SIK3: variants seen among roughly 807,000 people sequenced by gnomAD.
The protein encoded by SIK3 is SIK family kinase 3.
SIK3 carries 28 observed loss-of-function variants against 144.2 expected under a neutral mutation model. The observed-to-expected ratio is 0.19, with a 90% CI of 0.14 to 0.27. SIK3 has a LOEUF of 0.27. Ranked by LOEUF, SIK3 falls within the 10% of genes least tolerant of loss-of-function variation. The pLI, the probability that SIK3 is intolerant of heterozygous loss-of-function variation, is 1.00. For missense variants in SIK3, 1,319 were observed against 1,776.0 expected (o/e 0.74, Z 4.62); for synonymous variants, 686 against 676.3 (o/e 1.01, Z -0.22).
At chr11:116,893,064 G>A (rs1345332385) in intron 6 of SIK3, among the ~76,000 whole-genome samples, 1 of 152,172 alleles carries the variant, frequency 6.6e-6, no homozygotes, top group African/African-American at 2.4e-5. Flanking sequence ...GGGAGAAATG[G>A]ATAAACAGGC....
At position 116,873,628 on chromosome 11, in the gene SIK3, A is replaced by G. The variant is rs1288428725; in HGVS notation, c.1590T>C (p.Ser530=). 1.3e-6 allele frequency: 2 copies of G among 1,553,400 alleles called. No individual in the cohort carries two copies. Among genetic ancestry groups the G allele is most frequent in the Non-Finnish European group, 1.7e-6 (2 of 1,154,108 alleles). Reference sequence around the variant, plus strand: ...GCTGTAGCGTGGGCGGCTGTAGGAGAGACTGCTCCTGCCAGGAACAGAGTG... The same window carrying G: ...GCTGTAGCGTGGGCGGCTGTAGGAGGGACTGCTCCTGCCAGGAACAGAGTG... ...PTGQLEYKEQ[S]LLQPPTLQLL... is the part of the protein sequence containing the mutation. The change falls in exon 13 of 25, where the codon TCT becomes TCC. Residue 530 remains serine, a synonymous_variant. Coordinates refer to ENST00000445177, the MANE Select transcript of SIK3 (RefSeq NM_001366686.3).
intron 1 of SIK3, among the ~76,000 whole-genome samples, chr11:117,051,775 C>T (rs558916849): frequency 1.3e-5 from 2 of 152,020 alleles, no homozygotes; most frequent in Admixed American, 6.5e-5. Context: ...GTGATCTGCC[C>T]GCCTCAGCCT....
At chr11:116,910,995 T>C (rs774972191) in intron 4 of SIK3, among the ~76,000 whole-genome samples, 2 of 152,168 alleles carry the variant, frequency 1.3e-5, no homozygotes, top group East Asian at 3.8e-4. Context: ...TGGTGCCTGG[T>C]GAAGCGGCGC....
Position 117,098,324 on chromosome 11 carries a change from G to A in SIK3, c.92C>T (p.Ala31Val), listed in dbSNP as rs530292999. ...GPAGRLLPPP[A>V]PGSPAAPAAV... ...AGCGGGGGCGGCTGGGGACCCCGGC[G>A]CGGGCGGAGGCAGCAGGCGGCCCGC... Residue 31 changes from alanine to valine, a missense_variant, in exon 1 of 25, where the codon GCG becomes GTG. Ala to Val is a moderately conservative substitution (Grantham distance 64). Coordinates refer to ENST00000445177, the MANE Select transcript of SIK3 (RefSeq NM_001366686.3). The A allele has an allele frequency of 6.1e-6, 7 of 1,154,592 alleles. No individual in the cohort carries two copies. The South Asian group carries it at 2.1e-4, about 34-fold the overall frequency. 71.5% of individuals were successfully genotyped at this position (1,154,592 alleles called of 1,614,324 possible). A position where few individuals can be genotyped will look rare whatever the true frequency, so the allele number is the denominator to read the frequency against.
chr11:117,086,894 C>G (rs1389021786), intron 1 of SIK3, among the ~76,000 whole-genome samples: 2 of 150,512 alleles, frequency 1.3e-5, no homozygotes, highest in Admixed American at 1.3e-4. Flanking sequence ...ACTGAGGAGG[C>G]TGAGGCAGGG....
chr11:117,097,468 CT>C (rs1444444714), intron 1 of SIK3, among the ~76,000 whole-genome samples: 1 of 150,826 alleles, frequency 6.6e-6, no homozygotes, highest in South Asian at 2.1e-4. Context: ...CCCTGGGCCC[CT>C]TCCTGTGGAC....
rs758566628 is a variant in SIK3 at position 116,847,477 on chromosome 11, C to T, written c.3951G>A (p.Glu1317=). Residue 1317 remains glutamate (E), a splice_region_variant and synonymous_variant, in exon 23 of 25, where the codon GAG becomes GAA. Coordinates refer to ENST00000445177, the MANE Select transcript of SIK3 (RefSeq NM_001366686.3). The part of the protein sequence containing the change: ...GSQQFQDGEN[E]ECGASLGGHE... ...TGCCCCATGCATAAGGCTCCTCACC[C>T]TCATTTTCCCCATCCTGAAACTGCT... 1 of 1,614,164 alleles carries T rather than the reference C, an allele frequency of 6.2e-7. No individual in the cohort carries two copies. The highest frequency in any genetic ancestry group is 8.5e-7 in the Non-Finnish European group (1 of 1,180,020).
At chr11:117,023,053 G>T in intron 1 of SIK3, among the ~76,000 whole-genome samples, 1 of 152,006 alleles carries the variant, frequency 6.6e-6, no homozygotes, top group East Asian at 1.9e-4. Flanking sequence ...GCAGATTGTA[G>T]AAAACACAAA....
intron 1 of SIK3, among the ~76,000 whole-genome samples, chr11:117,023,906 T>C (rs1016382242): frequency 4.6e-5 from 7 of 152,050 alleles, no homozygotes; most frequent in Non-Finnish European, 7.4e-5. Context: ...CTTGAACTCC[T>C]GGCCTCAAGT....
chr11:116,858,125 T>G lies in SIK3; in HGVS notation c.3340A>C (p.Arg1114=), dbSNP rs759945448. The G allele has an allele frequency of 3.1e-6, 5 of 1,614,064 alleles. No homozygotes were observed. The African/African-American group carries it at 6.7e-5, about 22-fold the overall frequency. Residue 1114 remains arginine, a synonymous_variant, in exon 21 of 25, where the codon AGG becomes CGG. Coordinates refer to ENST00000445177, the MANE Select transcript of SIK3 (RefSeq NM_001366686.3). The surrounding 1 kb of genome is among the most constrained non-coding windows in gnomAD (Gnocchi z 5.4). ...HTSPQHLLQI[R]AQECVSQASS... is the part of the protein sequence containing the mutation. ...GCCTGTGAGACACATTCTTGTGCCC[T>G]GATTTGTAGCAGATGCTGGGGGCTG...
chr11:117,067,438 G>A (rs1238653554), intron 1 of SIK3, among the ~76,000 whole-genome samples: 3 of 152,224 alleles, frequency 2.0e-5, no homozygotes, highest in Admixed American at 6.5e-5. Flanking sequence ...CATCCTAGAT[G>A]AGGCCATTTA....
At chr11:116,930,229 C>T (rs1281631172) in intron 3 of SIK3, among the ~76,000 whole-genome samples, 2 of 152,074 alleles carry the variant, frequency 1.3e-5, no homozygotes, top group Non-Finnish European at 2.9e-5. Context: ...TCAGCCTCTG[C>T]CCTGATTTTT....
chr11:116,957,061 C>A lies in SIK3; in HGVS notation c.277G>T (p.Ala93Ser). 6.3e-7 allele frequency: 1 copy of A among 1,580,942 alleles called. No individual in the cohort carries two copies. Among genetic ancestry groups the A allele is most frequent in the Non-Finnish European group, 8.6e-7 (1 of 1,164,926 alleles). Reference protein sequence around the residue: ...ATHLVTKAKVAIKIIDKTQLD... With the variant: ...ATHLVTKAKVSIKIIDKTQLD... ...TGGGTCTTATCTATGATCTTGATAG[C>A]AACCTGACAACAGAGGGAAAAAAAT... is the stretch of plus-strand genomic sequence containing the variant. Residue 93 changes from alanine to serine, a missense_variant, in exon 2 of 25, where the codon GCT becomes TCT. This residue lies in a region of SIK3 where 125 missense variants were observed against 285.2 expected (regional missense o/e 0.44). Transcript: ENST00000445177.
chr11:116,853,969 C>G (rs1942668339), intron 21 of SIK3, among the ~76,000 whole-genome samples: 1 of 152,232 alleles, frequency 6.6e-6, no homozygotes, highest in South Asian at 2.1e-4. Flanking sequence ...GCTTAGTGCT[C>G]TCACAGTGCC....
At chr11:117,055,253 G>C (rs1213793336) in intron 1 of SIK3, among the ~76,000 whole-genome samples, 1 of 152,160 alleles carries the variant, frequency 6.6e-6, no homozygotes, top group Non-Finnish European at 1.5e-5. Flanking sequence ...CACAGATACA[G>C]ATTTATAATA....
intron 1 of SIK3, among the ~76,000 whole-genome samples, chr11:117,024,914 AT>A (rs1233876645): frequency 6.6e-6 from 1 of 151,988 alleles, no homozygotes; most frequent in Non-Finnish European, 1.5e-5. Context: ...AAAAAAAAAA[AT>A]CATCTAATGC....
intron 4 of SIK3, among the ~76,000 whole-genome samples, chr11:116,898,417 T>C (rs1479901147): frequency 9.2e-5 from 14 of 151,384 alleles, no homozygotes; most frequent in South Asian, 2.1e-4. Flanking sequence ...CTATTGTGAA[T>C]AGTGCCGCAA....
At chr11:117,009,563 A>C (rs912831464) in intron 1 of SIK3, among the ~76,000 whole-genome samples, 10 of 152,228 alleles carry the variant, frequency 6.6e-5, no homozygotes, top group Admixed American at 2.6e-4. Context: ...CAAAAAAAAA[A>C]ACAAAAAACA....
At chr11:117,007,967 T>G (rs893768717) in intron 1 of SIK3, among the ~76,000 whole-genome samples, 2 of 149,440 alleles carry the variant, frequency 1.3e-5, no homozygotes, top group African/African-American at 4.9e-5. Context: ...TCCCAGCTAC[T>G]CAGGAGGCTG....
Sources: allele counts gnomAD v4.1 joint callset (sites outside exome capture counted in the v4.1 genomes callset), GRCh38; gene constraint gnomAD v4.1.1; regional missense constraint gnomAD v4.1.1; non-coding constraint Gnocchi (gnomAD v3.1); transcripts MANE v1.5; gene names NCBI Gene and HGNC (gene_info 2026-07-23, HGNC 2026-07-21).